SORCS1: variants seen among roughly 807,000 people sequenced by gnomAD.
The protein encoded by SORCS1 is VPS10 domain-containing receptor SorCS1.
A neutral mutation model predicts 146.1 loss-of-function variants in SORCS1; 60 were observed. The ratio of observed to expected loss-of-function variants is 0.41; its 90% CI spans 0.33 to 0.51. SORCS1 has a LOEUF of 0.51. SORCS1 is among the 20% of genes least tolerant of loss of function. SORCS1 has a pLI of 0.21. For synonymous variants in SORCS1, 637 were observed against 584.0 expected, an observed-to-expected ratio of 1.09 and a Z score of -1.31; for missense variants, 1,352 against 1,487.6, an observed-to-expected ratio of 0.91 and a Z score of 1.50.
intron 1 of SORCS1, among the ~76,000 whole-genome samples, chr10:107,145,228 T>G (rs1968217639): frequency 6.6e-6 from 1 of 152,224 alleles, no homozygotes; most frequent in African/African-American, 2.4e-5. Context: ...TGGCATTTCC[T>G]GATGGTACAA....
intron 6 of SORCS1, among the ~76,000 whole-genome samples, chr10:106,709,651 T>C (rs1854826519): frequency 1.3e-5 from 2 of 152,036 alleles, no homozygotes; most frequent in African/African-American, 4.8e-5. Flanking sequence ...GGTTTCACCG[T>C]GTTAGCCAGG....
intron 24 of SORCS1, among the ~76,000 whole-genome samples, chr10:106,590,124 A>G (rs1479758709): frequency 6.6e-6 from 1 of 152,284 alleles, no homozygotes; most frequent in East Asian, 1.9e-4. Context: ...ACAACACATA[A>G]TTTTATACAT....
chr10:106,750,230 G>A (rs371423882), intron 5 of SORCS1, among the ~76,000 whole-genome samples: 1 of 152,054 alleles, frequency 6.6e-6, no homozygotes, highest in Non-Finnish European at 1.5e-5. Context: ...GGAATTCTTA[G>A]TGAAGTCTCG....
At chr10:106,723,158 TA>T (rs976897882) in intron 6 of SORCS1, among the ~76,000 whole-genome samples, 1 of 152,172 alleles carries the variant, frequency 6.6e-6, no homozygotes, top group Non-Finnish European at 1.5e-5. Context: ...TTATCTCTAC[TA>T]AAAACGTAAA....
At chr10:106,883,886 C>T (rs996137273) in intron 2 of SORCS1, among the ~76,000 whole-genome samples, 1 of 152,192 alleles carries the variant, frequency 6.6e-6, no homozygotes, top group African/African-American at 2.4e-5. Context: ...GGCTTGTTCA[C>T]TATTTTTATA....
At chr10:106,864,816 C>G (rs979156759) in intron 2 of SORCS1, among the ~76,000 whole-genome samples, 2 of 152,198 alleles carry the variant, frequency 1.3e-5, no homozygotes, top group Non-Finnish European at 2.9e-5. Flanking sequence ...CCAAGGTAAC[C>G]AGGGGCTGAA....
intron 17 of SORCS1, 130 bp from the exon 18 acceptor site, chr10:106,652,683 TGAG>T (rs1480176122): frequency 2.7e-5 from 26 of 954,392 alleles, no homozygotes; most frequent in South Asian, 3.6e-5. Context: ...CATGCTACTA[TGAG>T]GAGTAGGGTT....
At chr10:106,875,041 G>A (rs1950546164) in intron 2 of SORCS1, among the ~76,000 whole-genome samples, 1 of 152,092 alleles carries the variant, frequency 6.6e-6, no homozygotes, top group Non-Finnish European at 1.5e-5. Context: ...TGAATTCTGA[G>A]ATTTTAGTGC....
rs370004055 is a variant in SORCS1, at chr10:106,612,016, G to A, written c.2928C>T (p.Phe976=). The part of the protein sequence containing the change: ...DTKTIAVYEE[F]RSLRLSFSPN... The stretch of plus-strand genomic sequence containing the variant: ...GAGAAAAGGACAAGCGAAGAGACCG[G>A]AATTCCTCTGGGGATATAACAGTAG... The change falls in exon 22 of 26, where the codon TTC becomes TTT. Residue 976 remains phenylalanine, a synonymous_variant. Coordinates refer to ENST00000263054, the MANE Select transcript of SORCS1 (RefSeq NM_052918.5). 2 of 1,613,494 alleles carry A rather than the reference G, an allele frequency of 1.2e-6. No individual in the cohort carries two copies. Among genetic ancestry groups the A allele is most frequent in the South Asian group, 2.2e-5 (2 of 91,076 alleles).
rs76178056 is a variant in SORCS1 at position 107,153,350 on chromosome 10, G to A, written c.558+10619C>T. Among the ~76,000 whole-genome samples, 1,370 of 152,154 alleles carry A rather than the reference G, an allele frequency of 9.0e-3. 7 individuals carry two copies. Among genetic ancestry groups the A allele is most frequent in the Non-Finnish European group, 0.013 (915 of 68,006 alleles). On this transcript the variant is annotated intron_variant, in intron 1 of 25. Transcript: ENST00000263054. ...TGAATGTATACAGACATATAAGAGC[G>A]CACATATTTATTATGTATATATTTA...
intron 13 of SORCS1, among the ~76,000 whole-genome samples, chr10:106,676,602 C>T (rs920081806): frequency 6.6e-6 from 1 of 152,044 alleles, no homozygotes; most frequent in Non-Finnish European, 1.5e-5. Flanking sequence ...AAGTATAATG[C>T]AATTTCTCTC....
chr10:106,639,957 G>A (rs566598252), intron 18 of SORCS1, among the ~76,000 whole-genome samples: 5 of 152,022 alleles, frequency 3.3e-5, no homozygotes, highest in Admixed American at 6.5e-5. Context: ...GGTGGAGGTC[G>A]CAGTGAGCCA....
rs143947502 is a variant in SORCS1 at position 106,900,190 on chromosome 10, C to G, written c.626+56323G>C. ...TTGCATTTGAAACAGTGAACGCTTA[C>G]CACACTGTTGGCTTACTTCTCTGTT... On this transcript the variant is annotated intron_variant, in intron 2 of 25. Transcript: ENST00000263054. 3.4e-3 allele frequency among the ~76,000 whole-genome samples: 524 copies of G among 152,280 alleles called. 4 individuals are homozygous for G. Among genetic ancestry groups the G allele is most frequent in the Non-Finnish European group, 4.8e-3 (325 of 68,024 alleles).
At chr10:106,815,038 C>A (rs764709994) in intron 3 of SORCS1, among the ~76,000 whole-genome samples, 130 of 151,982 alleles carry the variant, frequency 8.6e-4, no homozygotes, top group Non-Finnish European at 7.8e-4. Flanking sequence ...CGGCTCCCTG[C>A]AACCTCCACC....
intron 24 of SORCS1, among the ~76,000 whole-genome samples, chr10:106,596,920 C>T (rs1424007177): frequency 6.6e-6 from 1 of 152,062 alleles, no homozygotes; most frequent in Non-Finnish European, 1.5e-5. Flanking sequence ...GGCGTGATCT[C>T]GGCTCACTGT....
At chr10:106,727,644 A>ATCAATT (rs1315095405) in intron 6 of SORCS1, among the ~76,000 whole-genome samples, 6 of 152,098 alleles carry the variant, frequency 3.9e-5, no homozygotes, top group African/African-American at 1.5e-4. Context: ...AACAGAGAAG[A>ATCAATT]ACATGATAAA....
intron 1 of SORCS1, among the ~76,000 whole-genome samples, chr10:107,001,930 TTTA>T (rs1277022299): frequency 6.6e-6 from 1 of 152,246 alleles, no homozygotes; most frequent in African/African-American, 2.4e-5. Flanking sequence ...AGAGAAGGAA[TTTA>T]TTAACTTTTC....
intron 1 of SORCS1, among the ~76,000 whole-genome samples, chr10:107,135,743 A>G (rs916684491): frequency 2.0e-5 from 3 of 152,240 alleles, no homozygotes; most frequent in Non-Finnish European, 4.4e-5. Flanking sequence ...GAAACGACAT[A>G]TATTAAATAC....
chr10:106,957,643 C>T (rs1182286544), intron 1 of SORCS1, among the ~76,000 whole-genome samples: 6 of 151,864 alleles, frequency 4.0e-5, no homozygotes, highest in South Asian at 4.2e-4. Flanking sequence ...AGATAATTAC[C>T]GTGTAATATA....
Sources: gnomAD v4.1 joint callset for allele counts (sites outside exome capture counted in the v4.1 genomes callset) on GRCh38, gnomAD v4.1.1 for gene constraint, MANE v1.5 for transcripts, NCBI Gene and HGNC (gene_info 2026-07-23, HGNC 2026-07-21) for gene names.